Variants in ZNF385B observed in about 807,000 individuals in gnomAD.
ZNF385B encodes zinc finger protein 385B, also known as zinc finger protein 533.
A neutral mutation model predicts 39.2 loss-of-function variants in ZNF385B; 23 were observed. The observed-to-expected ratio is 0.59, with a 90% CI of 0.42 to 0.83. The LOEUF (loss-of-function observed/expected upper bound fraction) is 0.83. ZNF385B is among the 40% of genes least tolerant of loss of function. The probability of loss-of-function intolerance (pLI) is 0.00; values close to 1 mark genes in which losing one functional copy is unlikely to be tolerated. For missense variants in ZNF385B, 552 were observed against 598.9 expected (o/e 0.92, Z 0.82); for synonymous variants, 205 against 222.6 (o/e 0.92, Z 0.70).
At chr2:179,782,255 A>G (rs1704711797) in intron 1 of ZNF385B, among the ~76,000 whole-genome samples, 1 of 152,134 alleles carries the variant, frequency 6.6e-6, no homozygotes, top group Admixed American at 6.6e-5. Context: ...CTCAATAGAC[A>G]CAGAAAAGGG....
intron 3 of ZNF385B, among the ~76,000 whole-genome samples, chr2:179,761,024 G>A (rs543731191): frequency 6.6e-6 from 1 of 152,098 alleles, no homozygotes; most frequent in Non-Finnish European, 1.5e-5. Context: ...ACTTGCTTTT[G>A]TACCTTTATC....
chr2:179,635,829 C>T (rs750773738), intron 3 of ZNF385B, among the ~76,000 whole-genome samples: 1 of 151,976 alleles, frequency 6.6e-6, no homozygotes, highest in Non-Finnish European at 1.5e-5. Flanking sequence ...TCCTCTGGTG[C>T]GATTGACCAG....
At chr2:179,799,796 T>C (rs1273669174) in intron 1 of ZNF385B, among the ~76,000 whole-genome samples, 3 of 152,122 alleles carry the variant, frequency 2.0e-5, no homozygotes, top group Non-Finnish European at 4.4e-5. Flanking sequence ...AAATGGCTGG[T>C]TTGCTAAAAT....
At chr2:179,647,623 G>T (rs1692835686) in intron 3 of ZNF385B, among the ~76,000 whole-genome samples, 1 of 152,142 alleles carries the variant, frequency 6.6e-6, no homozygotes, top group Non-Finnish European at 1.5e-5. Context: ...GAGTTCCCAG[G>T]GATAGGGGAA....
At chr2:179,655,145 T>A (rs188369362) in intron 3 of ZNF385B, among the ~76,000 whole-genome samples, 278 of 152,270 alleles carry the variant, frequency 1.8e-3, no homozygotes, top group Middle Eastern at 0.01. Flanking sequence ...TTCTGCTGGA[T>A]AAATGTGTTG....
chr2:179,679,875 C>G lies in ZNF385B; in HGVS notation c.298+89628G>C, dbSNP rs962647846. 3.3e-5 allele frequency among the ~76,000 whole-genome samples: 5 copies of G among 152,128 alleles called. No homozygotes were observed. In the East Asian group the frequency reaches 7.7e-4, roughly 23 times the overall value. ...TTTTGCCTACCCCATCAGTCTAAAC[C>G]TGATCCCTGATTTCTCTCCATTTTG... On this transcript the variant is annotated intron_variant, in intron 3 of 9. Coordinates refer to ENST00000410066, the MANE Select transcript of ZNF385B (RefSeq NM_152520.6).
At chr2:179,557,687 CTATATATG>C (rs942225201) in intron 3 of ZNF385B, among the ~76,000 whole-genome samples, 5 of 148,716 alleles carry the variant, frequency 3.4e-5, no homozygotes, top group Admixed American at 3.4e-4. Flanking sequence ...CATATACATG[CTATATATG>C]TATATATGTC....
At chr2:179,657,108 G>T (rs1038147963) in intron 3 of ZNF385B, among the ~76,000 whole-genome samples, 2 of 152,168 alleles carry the variant, frequency 1.3e-5, no homozygotes, top group African/African-American at 4.8e-5. Context: ...GCAGGGAAGG[G>T]GAAGAGCGGA....
chr2:179,719,810 C>T (rs1700566956), intron 3 of ZNF385B, among the ~76,000 whole-genome samples: 1 of 152,170 alleles, frequency 6.6e-6, no homozygotes, highest in African/African-American at 2.4e-5. Flanking sequence ...TATATGCAGG[C>T]TACTCTACAT....
Position 179,673,940 on chromosome 2 carries a change from T to C in ZNF385B, c.298+95563A>G, listed in dbSNP as rs374594193. On this transcript the variant is annotated intron_variant, in intron 3 of 9. Coordinates refer to ENST00000410066, the MANE Select transcript of ZNF385B (RefSeq NM_152520.6). ...CAACATAAAATCATGCAGACTTTTA[T>C]CTGAAAATGAAATGTTTGATATAAC... Among the ~76,000 whole-genome samples, 8 of 152,336 alleles carry C rather than the reference T, an allele frequency of 5.3e-5. No homozygotes were observed. The East Asian group carries it at 1.2e-3, about 22-fold the overall frequency.
At chr2:179,667,135 C>A (rs765236850) in intron 3 of ZNF385B, among the ~76,000 whole-genome samples, 1 of 152,100 alleles carries the variant, frequency 6.6e-6, no homozygotes, top group Non-Finnish European at 1.5e-5. Context: ...CTTCCCCCCA[C>A]CAAAAGGGAA....
intron 3 of ZNF385B, among the ~76,000 whole-genome samples, chr2:179,715,916 G>T (rs1476862772): frequency 6.6e-6 from 1 of 152,088 alleles, no homozygotes; most frequent in South Asian, 2.1e-4. Flanking sequence ...AAATGTGGGA[G>T]TGGTATGCCC....
intron 3 of ZNF385B, among the ~76,000 whole-genome samples, chr2:179,724,480 C>T (rs1252799109): frequency 6.6e-6 from 1 of 152,086 alleles, no homozygotes; most frequent in Non-Finnish European, 1.5e-5. Flanking sequence ...CTTCCAAAGA[C>T]ATGCCAATCA....
chr2:179,465,081 G>A (rs935997715), intron 6 of ZNF385B, among the ~76,000 whole-genome samples: 1 of 151,992 alleles, frequency 6.6e-6, no homozygotes, highest in African/African-American at 2.4e-5. Context: ...TGTCTCTTCT[G>A]TCTTCTCTTG....
chr2:179,451,586 CAG>C (rs1295665909), intron 6 of ZNF385B, among the ~76,000 whole-genome samples: 3 of 151,864 alleles, frequency 2.0e-5, no homozygotes, highest in Non-Finnish European at 4.4e-5. Context: ...TCAGATAGGC[CAG>C]AGTCTTAATC....
chr2:179,478,745 T>C (rs1161392620), intron 6 of ZNF385B, among the ~76,000 whole-genome samples: 4 of 152,204 alleles, frequency 2.6e-5, no homozygotes, highest in Non-Finnish European at 2.9e-5. Context: ...CCCAGACATA[T>C]GGACTATTAG....
chr2:179,559,114 T>G (rs183538518), intron 3 of ZNF385B, among the ~76,000 whole-genome samples: 3 of 152,296 alleles, frequency 2.0e-5, no homozygotes, highest in African/African-American at 4.8e-5. Context: ...AAAATGATTT[T>G]CCTCCCTTTC....
At chr2:179,736,375 C>G (rs1460762463) in intron 3 of ZNF385B, among the ~76,000 whole-genome samples, 2 of 152,104 alleles carry the variant, frequency 1.3e-5, no homozygotes, top group African/African-American at 4.8e-5. Flanking sequence ...CAAATCAAAG[C>G]ACAAACTTTA....
rs145893312 is a variant in ZNF385B at position 179,707,187 on chromosome 2, G to A, written c.298+62316C>T. Among the ~76,000 whole-genome samples, 1,115 of 152,322 alleles carry A rather than the reference G, an allele frequency of 7.3e-3. 8 individuals carry two copies. The highest frequency in any genetic ancestry group is 0.024 in the African/African-American group (1,005 of 41,570). On this transcript the variant is annotated intron_variant, in intron 3 of 9. Transcript: ENST00000410066. The stretch of plus-strand genomic sequence containing the variant: ...AGCACACTACAATGCAGTACTGCAC[G>A]CCCGTGGAATTAGTGGAGCTGCGAA...
Sources: gnomAD v4.1 joint callset for allele counts (sites outside exome capture counted in the v4.1 genomes callset) on GRCh38, gnomAD v4.1.1 for gene constraint, MANE v1.5 for transcripts, NCBI Gene and HGNC (gene_info 2026-07-23, HGNC 2026-07-21) for gene names.